The following ABCA2 variants were observed in gnomAD, a reference collection of about 807,000 sequenced individuals.
ABCA2 encodes ATP-binding cassette sub-family A member 2.
ABCA2 carries 84 observed loss-of-function variants against 262.8 expected under a neutral mutation model. The ratio of observed to expected loss-of-function variants is 0.32; its 90% CI spans 0.27 to 0.38. The LOEUF (loss-of-function observed/expected upper bound fraction) is 0.38. ABCA2 is among the 10% of genes least tolerant of loss of function. The probability of loss-of-function intolerance (pLI) is 1.00; values close to 1 mark genes in which losing one functional copy is unlikely to be tolerated. For missense variants in ABCA2, 2,662 were observed against 3,405.9 expected, an observed-to-expected ratio of 0.78 and a Z score of 5.44; for synonymous variants, 1,696 against 1,502.9, an observed-to-expected ratio of 1.13 and a Z score of -2.97.
In ABCA2 at chr9:137,021,670, G is replaced by A; in HGVS notation, c.679-60C>T. On this transcript the variant is annotated intron_variant, in intron 7 of 48. Coordinates refer to ENST00000341511, the MANE Select transcript of ABCA2 (RefSeq NM_001606.5). This position sits in a 1 kb window ranked among gnomAD's most constrained non-coding sequence, Gnocchi z 6.0. ...AAGGACTTTGTCCCCAACCACTAGGGCCTCAGGCCTCACCCTGCCCCACCC... is the reference window on the plus strand; with the variant it reads ...AAGGACTTTGTCCCCAACCACTAGGACCTCAGGCCTCACCCTGCCCCACCC... The A allele has an allele frequency of 6.7e-7, 1 of 1,495,520 alleles. No homozygotes were observed. The highest frequency in any genetic ancestry group is 1.2e-5 in the South Asian group (1 of 81,642). 92.6% of individuals were successfully genotyped at this position (1,495,520 alleles called of 1,614,324 possible).
rs1177892440 is a variant in ABCA2 at position 137,018,212 on chromosome 9, G to A, written c.1959C>T (p.Arg653=). ...YWRPGPNTGG[R]FYFLYGFVWI... The stretch of plus-strand genomic sequence containing the variant: ...AGACGAAGCCGTAGAGGAAGTAGAA[G>A]CGGCCGCCAGTATTGGGCCCAGGCC... The change falls in exon 14 of 49, where the codon CGC becomes CGT. Residue 653 remains arginine (R), a synonymous_variant. Coordinates refer to ENST00000341511, the MANE Select transcript of ABCA2 (RefSeq NM_001606.5). 1.9e-6 allele frequency: 3 copies of A among 1,611,574 alleles called. No individual in the cohort carries two copies. Among genetic ancestry groups the A allele is most frequent in the East Asian group, 4.5e-5 (2 of 44,740 alleles).
intron 1 of ABCA2, among the ~76,000 whole-genome samples, chr9:137,025,907 C>T (rs762817246): frequency 6.6e-6 from 1 of 152,206 alleles, no homozygotes; most frequent in Non-Finnish European, 1.5e-5. Context: ...AGGTCTAGCA[C>T]GCCCTGGGTG....
rs758141720 is a variant in ABCA2 at position 137,014,031 on chromosome 9, C to T, written c.4248G>A (p.Glu1416=). ...DPDNVSLQEV[E]AEALSRVGQG... is the part of the protein sequence containing the mutation. ...GGCCGACCCTCGACAGGGCCTCTGC[C>T]TCCACCTCTGTGCAGAGAGGTAGAG... is the stretch of plus-strand genomic sequence containing the variant. Residue 1416 remains glutamate (E), a synonymous_variant, in exon 28 of 49, where the codon GAG becomes GAA. Coordinates refer to ENST00000341511, the MANE Select transcript of ABCA2 (RefSeq NM_001606.5). 6.2e-7 allele frequency: 1 copy of T among 1,610,852 alleles called. No homozygotes were observed. Among genetic ancestry groups the T allele is most frequent in the East Asian group, 2.2e-5 (1 of 44,866 alleles).
At position 137,016,183 on chromosome 9, in the gene ABCA2, G is replaced by A. The variant is rs1271851811; in HGVS notation, c.3105-9C>T. The A allele has an allele frequency of 3.1e-6, 5 of 1,612,492 alleles. No homozygotes were observed. In the African/African-American group the frequency reaches 5.3e-5, roughly 17 times the overall value. ...GGCCGGTCAGGATGGACCTGGGTAG[G>A]TGGGCGGGGTCATGACCCCACGCCC... On this transcript the variant is annotated splice_polypyrimidine_tract_variant and intron_variant, in intron 21 of 48. Transcript: ENST00000341511.
In ABCA2 at chr9:137,013,576, G is replaced by C. The variant is rs1179681620; in HGVS notation, c.4448-13C>G. The stretch of plus-strand genomic sequence containing the variant: ...GGGGGCAGATCACCTGGCAGGGCGA[G>C]CAGGGAGGCCTGAGCAGGTTCTGCC... On this transcript the variant is annotated splice_polypyrimidine_tract_variant and intron_variant, in intron 28 of 48. Transcript: ENST00000341511. 6.2e-7 allele frequency: 1 copy of C among 1,600,088 alleles called. No homozygotes were observed. Among genetic ancestry groups the C allele is most frequent in the African/African-American group, 1.3e-5 (1 of 74,868 alleles).
chr9:137,016,270 C>T (rs1412853842), intron 21 of ABCA2, 21 bp downstream of exon 21: 1 of 1,611,988 alleles, frequency 6.2e-7, no homozygotes, highest in South Asian at 1.1e-5. Context: ...ATGCCCACCG[C>T]CCTGCCCCTC....
chr9:137,023,545 C>A, intron 3 of ABCA2: 1 of 751,064 alleles, frequency 1.3e-6, no homozygotes, highest in East Asian at 2.5e-5. Flanking sequence ...TCAGCCCAGA[C>A]TCAGCCCAGA....
intron 45 of ABCA2, 24 bp from the exon 46 acceptor site, chr9:137,009,077 G>A (rs369849983): frequency 3.4e-5 from 54 of 1,595,684 alleles, no homozygotes; most frequent in African/African-American, 2.5e-4. Flanking sequence ...CCGGTGGCCC[G>A]GAGCCCTGCG....
rs772864842 is a variant in ABCA2 at position 137,014,260 on chromosome 9, C to G, written c.4148G>C (p.Arg1383Pro). Residue 1383 changes from arginine to proline, a missense_variant, in exon 27 of 49, where the codon CGT (arginine) becomes CCT (proline). Arg to Pro is a moderately radical substitution (Grantham distance 103). Around this residue, in one of 12 missense-constraint regions of ABCA2, gnomAD observed 297 missense variants for 286.5 expected, o/e 1.04. Transcript: ENST00000341511. ...LQSASSVGSARGDEGAGYTDV... is the reference protein window; with the variant it reads ...LQSASSVGSAPGDEGAGYTDV... Reference sequence around the variant, plus strand: ...GGTGTAGCCAGCTCCCTCGTCGCCACGGGCAGAGCCCACAGATGACGCCGA... The same window carrying G: ...GGTGTAGCCAGCTCCCTCGTCGCCAGGGGCAGAGCCCACAGATGACGCCGA... 1 of 1,610,940 alleles carries G rather than the reference C, an allele frequency of 6.2e-7. No homozygotes were observed. The highest frequency in any genetic ancestry group is 8.5e-7 in the Non-Finnish European group (1 of 1,179,210).
At chr9:137,015,130 C>T in intron 24 of ABCA2, 33 bp from the exon 25 acceptor site, 1 of 1,544,730 alleles carries the variant, frequency 6.5e-7, no homozygotes, top group Non-Finnish European at 8.7e-7. Context: ...AAGGAATTCA[C>T]TCAGGGGCTG....
At chr9:137,008,907 C>CA (rs397761371) in intron 46 of ABCA2, 39 bp from the exon 47 acceptor site, 13 of 1,590,392 alleles carry the variant, frequency 8.2e-6, no homozygotes, top group East Asian at 2.3e-5. Flanking sequence ...AGCGCCCCCC[C>CA]ACCCCGTAGC....
chr9:137,026,330 G>A (rs569323639), intron 1 of ABCA2, among the ~76,000 whole-genome samples: 13 of 152,330 alleles, frequency 8.5e-5, no homozygotes, highest in Admixed American at 5.2e-4. Flanking sequence ...CCAGCAGGGC[G>A]CATGGCACAC....
rs779235184 is a variant in ABCA2 at position 137,015,303 on chromosome 9, C to T, written c.3697+111G>A. On this transcript the variant is annotated intron_variant, in intron 24 of 48. Coordinates refer to ENST00000341511, the MANE Select transcript of ABCA2 (RefSeq NM_001606.5). Reference sequence around the variant, plus strand: ...GGGCGGGCCAGGCCCCAGCAGGCATCCTGGGCCCAGCGGGTGACGGTGAGG... The same window carrying T: ...GGGCGGGCCAGGCCCCAGCAGGCATTCTGGGCCCAGCGGGTGACGGTGAGG... The T allele has an allele frequency of 3.9e-4, 533 of 1,350,808 alleles. 1 individual carries two copies. The highest frequency in any genetic ancestry group is 5.1e-4 in the Non-Finnish European group (510 of 1,006,184). The allele number at this position is 1,350,808 out of a possible 1,614,324, so 83.7% of individuals were successfully genotyped here.
In ABCA2 at chr9:137,020,892, G is replaced by A. The variant is rs1316308892; in HGVS notation, c.1067C>T (p.Thr356Ile). The A allele has an allele frequency of 5.1e-6, 8 of 1,553,868 alleles. No homozygotes were observed. Among genetic ancestry groups the A allele is most frequent in the East Asian group, 2.4e-5 (1 of 41,984 alleles). Residue 356 changes from threonine (T) to isoleucine (I), a missense_variant, in exon 9 of 49, where the codon ACC becomes ATC. By Grantham distance (89) the Thr-to-Ile change is moderately conservative. Transcript: ENST00000341511. ...CGCACCACTGGCTGGGGGTCCGGGG[G>A]TCCGGCCAGTGCAGGCACCCTGGGG... ...LLPQGACTGR[T>I]PGPPASGAGG...
intron 24 of ABCA2, 103 bp from the exon 25 acceptor site, chr9:137,015,200 A>G (rs1831212729): frequency 7.4e-7 from 1 of 1,347,944 alleles, no homozygotes; most frequent in Non-Finnish European, 1.0e-6. Flanking sequence ...GGAGAGGAAG[A>G]ACCAGGCCCC....
Position 137,020,483 on chromosome 9 carries a change from G to C in ABCA2, c.1278C>G (p.Pro426=). The change falls in exon 10 of 49, where the codon CCC becomes CCG. Residue 426 remains proline, a synonymous_variant. Transcript: ENST00000341511. ...ILCGNNRTIE[P]EALRRGNMSS... The stretch of plus-strand genomic sequence containing the variant: ...TCATGTTGCCCCGCCGCAGCGCCTC[G>C]GGTTCAATGGTGCTGGGGTAGGGGA... 6.3e-7 allele frequency: 1 copy of C among 1,598,518 alleles called. No individual in the cohort carries two copies. The highest frequency in any genetic ancestry group is 8.5e-7 in the Non-Finnish European group (1 of 1,173,156).
chr9:137,013,275 T>A lies in ABCA2; in HGVS notation c.4594A>T (p.Thr1532Ser). The change falls in exon 30 of 49, where the codon ACG becomes TCG. Residue 1532 changes from threonine (T) to serine (S), a missense_variant. Thr to Ser is a moderately conservative substitution (Grantham distance 58). Transcript: ENST00000341511. The stretch of plus-strand genomic sequence containing the variant: ...CCCACCCCCGACGGCAGCCGGAACG[T>A]GCTCACGAGCTGCTGGGGGCTGGCG... ...PDASPQQLVS[T>S]FRLPSGVGAT... is the part of the protein sequence containing the mutation. 1 of 1,586,032 alleles carries A rather than the reference T, an allele frequency of 6.3e-7. No individual in the cohort carries two copies. The highest frequency in any genetic ancestry group is 8.5e-7 in the Non-Finnish European group (1 of 1,171,724).
intron 47 of ABCA2, 32 bp from the exon 48 acceptor site, chr9:137,008,654 G>A: frequency 6.3e-7 from 1 of 1,579,696 alleles, no homozygotes; most frequent in Non-Finnish European, 8.6e-7. Context: ...TGGGGAGGGG[G>A]CTGGTCTGGG....
chr9:137,025,588 C>T (rs746809404), intron 1 of ABCA2, among the ~76,000 whole-genome samples: 1 of 152,236 alleles, frequency 6.6e-6, no homozygotes, highest in Non-Finnish European at 1.5e-5. Context: ...CGCCCCAGCC[C>T]GTGCCAGCCT....
Sources: gnomAD v4.1 joint callset for allele counts (sites outside exome capture counted in the v4.1 genomes callset) on GRCh38, gnomAD v4.1.1 for gene constraint, gnomAD v4.1.1 regional missense constraint, Gnocchi (gnomAD v3.1) non-coding constraint, MANE v1.5 for transcripts, NCBI Gene and HGNC (gene_info 2026-07-23, HGNC 2026-07-21) for gene names.